The following PTPRD variants were observed in gnomAD, a reference collection of about 807,000 sequenced individuals.
PTPRD encodes protein tyrosine phosphatase receptor type D.
Under a neutral mutation model 214.5 loss-of-function variants are expected in PTPRD, and 34 were observed. That is an observed-to-expected ratio of 0.16 (90% CI 0.12 to 0.21). The LOEUF (loss-of-function observed/expected upper bound fraction) is 0.21, where lower values mean the gene tolerates loss of function less well. Ranked by LOEUF, PTPRD falls within the 10% of genes least tolerant of loss-of-function variation. PTPRD has a pLI of 1.00. For missense variants in PTPRD, 2,545 were observed against 2,398.7 expected (o/e 1.06, Z -1.27); for synonymous variants, 1,128 against 845.7 (o/e 1.33, Z -5.79).
intron 9 of PTPRD, among the ~76,000 whole-genome samples, chr9:9,313,376 G>T (rs1960315428): frequency 6.6e-6 from 1 of 152,098 alleles, no homozygotes; most frequent in South Asian, 2.1e-4. Context: ...AATTGTACCT[G>T]AAAAACAGAT....
intron 11 of PTPRD, among the ~76,000 whole-genome samples, chr9:8,856,134 T>A (rs974140962): frequency 6.6e-6 from 1 of 152,180 alleles, no homozygotes; most frequent in Admixed American, 6.5e-5. Flanking sequence ...AAGCAGAATA[T>A]ATGTTCAAAG....
At chr9:10,244,281 C>G (rs1343303282) in intron 3 of PTPRD, among the ~76,000 whole-genome samples, 1 of 152,072 alleles carries the variant, frequency 6.6e-6, no homozygotes, top group Non-Finnish European at 1.5e-5. Context: ...TGTTTCAATG[C>G]ATCCTCATTA....
At chr9:8,446,246 C>G (rs2095719369) in intron 34 of PTPRD, among the ~76,000 whole-genome samples, 1 of 152,088 alleles carries the variant, frequency 6.6e-6, no homozygotes, top group Middle Eastern at 3.2e-3. Context: ...TGTTGGAATG[C>G]TATATTTATA....
At chr9:8,585,264 C>G (rs905589764) in intron 14 of PTPRD, among the ~76,000 whole-genome samples, 1 of 152,028 alleles carries the variant, frequency 6.6e-6, no homozygotes, top group Admixed American at 6.6e-5. Context: ...TAGACAGATG[C>G]TTGAAGATAG....
At chr9:10,162,700 C>T (rs1432756482) in intron 3 of PTPRD, among the ~76,000 whole-genome samples, 1 of 144,736 alleles carries the variant, frequency 6.9e-6, no homozygotes, top group East Asian at 2.0e-4. Context: ...TATATATATA[C>T]ATATACACGT....
At chr9:9,303,251 G>A (rs1956080288) in intron 9 of PTPRD, among the ~76,000 whole-genome samples, 1 of 151,882 alleles carries the variant, frequency 6.6e-6, no homozygotes, top group Admixed American at 6.6e-5. Flanking sequence ...TAATGATAAT[G>A]ATGTTAATAA....
chr9:8,871,188 C>T (rs2098294031), intron 11 of PTPRD, among the ~76,000 whole-genome samples: 1 of 152,144 alleles, frequency 6.6e-6, no homozygotes, highest in African/African-American at 2.4e-5. Flanking sequence ...TCAAAACATA[C>T]AACCAAAACA....
chr9:9,381,714 G>GTT (rs34478942), intron 9 of PTPRD, among the ~76,000 whole-genome samples: 1 of 148,686 alleles, frequency 6.7e-6, no homozygotes, highest in Non-Finnish European at 1.5e-5. Flanking sequence ...TTTTGTTTTT[G>GTT]TTTTTTTTTG....
intron 4 of PTPRD, among the ~76,000 whole-genome samples, chr9:9,996,761 G>A (rs923930670): frequency 9.2e-5 from 14 of 152,170 alleles, no homozygotes; most frequent in South Asian, 8.3e-4. Flanking sequence ...GGCTTCATAC[G>A]GCAAGGAATA....
At chr9:9,606,059 G>C (rs770135120) in intron 7 of PTPRD, among the ~76,000 whole-genome samples, 1 of 151,996 alleles carries the variant, frequency 6.6e-6, no homozygotes, top group Non-Finnish European at 1.5e-5. Context: ...TCTTTTAAGA[G>C]TGGCCTTGAA....
intron 8 of PTPRD, among the ~76,000 whole-genome samples, chr9:9,402,992 CCA>C (rs1491510997): frequency 2.1e-4 from 23 of 107,004 alleles, no homozygotes; most frequent in Non-Finnish European, 4.2e-4. Flanking sequence ...AAAAAAAACA[CCA>C]AAAAAAAATG....
chr9:10,206,769 T>C (rs1397737965), intron 3 of PTPRD, among the ~76,000 whole-genome samples: 1 of 152,132 alleles, frequency 6.6e-6, no homozygotes, highest in Non-Finnish European at 1.5e-5. Context: ...AGCAGAAAGT[T>C]AAAGAATGGA....
At position 8,353,937 on chromosome 9, in the gene PTPRD, C is replaced by T. The variant is rs1183122032; in HGVS notation, c.4662-11959G>A. Among the ~76,000 whole-genome samples the T allele has an allele frequency of 3.2e-3, 196 of 61,268 alleles. 13 individuals carry two copies. Among genetic ancestry groups the T allele is most frequent in the African/African-American group, 0.012 (172 of 14,764 alleles). The allele number at this position is 61,268 out of a possible 152,430, so 40.2% of individuals were successfully genotyped here. On this transcript the variant is annotated intron_variant, in intron 39 of 45. Transcript: ENST00000381196. The stretch of plus-strand genomic sequence containing the variant: ...ATATATGTATATATATGTGTGTGTA[C>T]ATATATATATATATATATATATATA...
intron 7 of PTPRD, among the ~76,000 whole-genome samples, chr9:9,701,547 C>T (rs909389011): frequency 6.6e-6 from 1 of 152,112 alleles, no homozygotes; most frequent in African/African-American, 2.4e-5. Flanking sequence ...TTTGGGAAGG[C>T]ATTGATGACC....
intron 10 of PTPRD, among the ~76,000 whole-genome samples, chr9:9,026,853 G>C (rs1003486294): frequency 6.6e-6 from 1 of 151,672 alleles, no homozygotes; most frequent in African/African-American, 2.4e-5. Context: ...TTTTCTCTAA[G>C]CTGGACTCTC....
At chr9:10,562,382 G>C (rs1008472531) in intron 2 of PTPRD, among the ~76,000 whole-genome samples, 5 of 151,046 alleles carry the variant, frequency 3.3e-5, no homozygotes, top group Non-Finnish European at 7.4e-5. Flanking sequence ...AGCACAATTA[G>C]AAGTAACAAA....
At chr9:8,410,135 C>A (rs1240232556) in intron 35 of PTPRD, among the ~76,000 whole-genome samples, 1 of 152,104 alleles carries the variant, frequency 6.6e-6, no homozygotes, top group African/African-American at 2.4e-5. Context: ...TTAATATATG[C>A]CCATTTGGAA....
At chr9:10,174,296 A>G (rs1196210606) in intron 3 of PTPRD, among the ~76,000 whole-genome samples, 2 of 152,104 alleles carry the variant, frequency 1.3e-5, no homozygotes, top group Admixed American at 6.5e-5. Context: ...TTCTCACCCA[A>G]TTAATTCCAG....
At chr9:10,225,975 G>A (rs765125602) in intron 3 of PTPRD, among the ~76,000 whole-genome samples, 6 of 152,030 alleles carry the variant, frequency 3.9e-5, no homozygotes, top group Non-Finnish European at 8.8e-5. Context: ...GCTATGTCCA[G>A]TACATGTATC....
Sources: gnomAD v4.1 joint callset for allele counts (sites outside exome capture counted in the v4.1 genomes callset) on GRCh38, gnomAD v4.1.1 for gene constraint, MANE v1.5 for transcripts, NCBI Gene and HGNC (gene_info 2026-07-23, HGNC 2026-07-21) for gene names.